The following SPOCK1 variants were observed in gnomAD, a reference collection of about 807,000 sequenced individuals.
SPOCK1 encodes the protein SPARC (osteonectin), cwcv and kazal like domains proteoglycan 1, also known as testican-1.
In SPOCK1, 23 loss-of-function variants were observed where a neutral mutation model predicts 55.3. The observed-to-expected ratio is 0.42, with a 90% CI of 0.30 to 0.59. The LOEUF (loss-of-function observed/expected upper bound fraction) is 0.59, where lower values mean the gene tolerates loss of function less well. Ranked by LOEUF, SPOCK1 falls within the 20% of genes least tolerant of loss-of-function variation. The pLI is 0.22. For synonymous variants in SPOCK1, 226 were observed against 221.0 expected, an observed-to-expected ratio of 1.02 and a Z score of -0.20; for missense variants, 499 against 552.5, an observed-to-expected ratio of 0.90 and a Z score of 0.97.
intron 2 of SPOCK1, among the ~76,000 whole-genome samples, chr5:137,310,306 T>C (rs1757767757): frequency 6.6e-6 from 1 of 152,204 alleles, no homozygotes; most frequent in African/African-American, 2.4e-5. Flanking sequence ...ACCAAGCTTT[T>C]CTGAGCTCAG....
At chr5:137,113,937 T>C (rs1204387532) in intron 4 of SPOCK1, among the ~76,000 whole-genome samples, 2 of 152,124 alleles carry the variant, frequency 1.3e-5, no homozygotes, top group African/African-American at 4.8e-5. Context: ...CTCTTCCAAA[T>C]GAAGGAAAGT....
At chr5:137,043,053 A>C (rs75468471) in intron 6 of SPOCK1, among the ~76,000 whole-genome samples, 2,373 of 152,242 alleles carry the variant, frequency 0.016, 55 homozygotes, top group African/African-American at 0.054. Flanking sequence ...CTGGGATACT[A>C]AATACACAAG....
At chr5:137,300,858 A>T (rs965893310) in intron 2 of SPOCK1, among the ~76,000 whole-genome samples, 11 of 152,152 alleles carry the variant, frequency 7.2e-5, no homozygotes, top group Admixed American at 1.3e-4. Context: ...AATGGAGGTC[A>T]CCCTCACACA....
chr5:137,264,994 G>T (rs766801257), intron 3 of SPOCK1, among the ~76,000 whole-genome samples: 14 of 152,166 alleles, frequency 9.2e-5, no homozygotes, highest in Non-Finnish European at 2.1e-4. Flanking sequence ...TTCTGGGAGG[G>T]TTAATCTGAG....
chr5:137,432,133 G>A (rs1462120223), intron 2 of SPOCK1, among the ~76,000 whole-genome samples: 2 of 152,214 alleles, frequency 1.3e-5, no homozygotes, highest in African/African-American at 2.4e-5. Flanking sequence ...TGAGGATATG[G>A]AAAAATTGTG....
chr5:137,439,071 T>G (rs1247468952), intron 2 of SPOCK1, among the ~76,000 whole-genome samples: 1 of 152,078 alleles, frequency 6.6e-6, no homozygotes, highest in Non-Finnish European at 1.5e-5. Context: ...GTTTCCTTAT[T>G]TGTAAAATCA....
At chr5:137,340,205 G>A (rs1409216862) in intron 2 of SPOCK1, among the ~76,000 whole-genome samples, 1 of 152,146 alleles carries the variant, frequency 6.6e-6, no homozygotes, top group African/African-American at 2.4e-5. Flanking sequence ...TTCAAGAAAG[G>A]GGAACTGGAA....
At chr5:137,386,921 T>A (rs1425923303) in intron 2 of SPOCK1, among the ~76,000 whole-genome samples, 1 of 152,162 alleles carries the variant, frequency 6.6e-6, no homozygotes, top group African/African-American at 2.4e-5. Flanking sequence ...GACAAAGCAC[T>A]GTAATTCAAA....
At chr5:137,160,614 A>AT (rs1491567506) in intron 3 of SPOCK1, among the ~76,000 whole-genome samples, 53 of 68,226 alleles carry the variant, frequency 7.8e-4, no homozygotes, top group African/African-American at 3.0e-3. Flanking sequence ...TATAATATAT[A>AT]ATATATATTT....
At chr5:137,293,860 CA>C (rs772036975) in intron 2 of SPOCK1, among the ~76,000 whole-genome samples, 1 of 152,090 alleles carries the variant, frequency 6.6e-6, no homozygotes, top group Admixed American at 6.5e-5. Context: ...ACTAAAAATA[CA>C]AAAAAATTAG....
intron 5 of SPOCK1, among the ~76,000 whole-genome samples, chr5:137,101,905 G>A (rs1178359642): frequency 6.6e-6 from 1 of 152,166 alleles, no homozygotes; most frequent in Non-Finnish European, 1.5e-5. Flanking sequence ...CATTCCCATA[G>A]ATGAACTTCC....
chr5:137,476,866 T>C (rs1008717831), intron 2 of SPOCK1, among the ~76,000 whole-genome samples: 2 of 151,988 alleles, frequency 1.3e-5, no homozygotes, highest in Admixed American at 6.6e-5. Flanking sequence ...TGGAGGTTGC[T>C]GTGAGCTGGG....
intron 2 of SPOCK1, among the ~76,000 whole-genome samples, chr5:137,374,329 G>T (rs1159562954): frequency 2.0e-5 from 3 of 152,220 alleles, no homozygotes; most frequent in Admixed American, 2.0e-4. Flanking sequence ...GCCCCAGGCA[G>T]TCTTTATTTA....
intron 2 of SPOCK1, among the ~76,000 whole-genome samples, chr5:137,428,786 C>T (rs1329734924): frequency 6.6e-6 from 1 of 152,186 alleles, no homozygotes; most frequent in African/African-American, 2.4e-5. Context: ...TTCCTAATTC[C>T]TCCACCTTAA....
intron 5 of SPOCK1, among the ~76,000 whole-genome samples, chr5:137,111,637 G>A (rs1753475987): frequency 6.6e-6 from 1 of 151,916 alleles, no homozygotes; most frequent in African/African-American, 2.4e-5. Flanking sequence ...ATCACAAATG[G>A]CCATACTTCA....
At chr5:137,214,308 T>C (rs985721913) in intron 3 of SPOCK1, among the ~76,000 whole-genome samples, 1 of 152,136 alleles carries the variant, frequency 6.6e-6, no homozygotes, top group Non-Finnish European at 1.5e-5. Flanking sequence ...GCAGCCAGAA[T>C]TGAAACCCAA....
chr5:136,995,654 C>G (rs1751027088), intron 6 of SPOCK1, among the ~76,000 whole-genome samples: 1 of 152,210 alleles, frequency 6.6e-6, no homozygotes, highest in South Asian at 2.1e-4. Flanking sequence ...AGTCAACATG[C>G]AGAGGAAATC....
intron 3 of SPOCK1, among the ~76,000 whole-genome samples, chr5:137,153,542 G>T (rs1314401984): frequency 6.6e-6 from 1 of 152,068 alleles, no homozygotes; most frequent in East Asian, 1.9e-4. Context: ...GTAGAGATGT[G>T]ATAAGAAAGA....
At chr5:137,002,394 T>C (rs1281802019) in intron 6 of SPOCK1, among the ~76,000 whole-genome samples, 2 of 151,908 alleles carry the variant, frequency 1.3e-5, no homozygotes, top group African/African-American at 4.8e-5. Context: ...TTTTTCTCCC[T>C]GAATAATCTA....
Sources: allele counts gnomAD v4.1 joint callset (sites outside exome capture counted in the v4.1 genomes callset), GRCh38; gene constraint gnomAD v4.1.1; transcripts MANE v1.5; gene names NCBI Gene and HGNC (gene_info 2026-07-23, HGNC 2026-07-21).